Variants in MAMDC2 observed in about 807,000 individuals in gnomAD.
The protein encoded by MAMDC2 is MAM domain containing 2.
Under a neutral mutation model 89.8 loss-of-function variants are expected in MAMDC2, and 57 were observed. The observed-to-expected ratio is 0.63, with a 90% CI of 0.51 to 0.79. MAMDC2 has a LOEUF of 0.79. MAMDC2 is among the 30% of genes least tolerant of loss of function. The probability of loss-of-function intolerance (pLI) is 0.00; values close to 1 mark genes in which losing one functional copy is unlikely to be tolerated. For missense variants in MAMDC2, 800 were observed against 820.6 expected (o/e 0.97, Z 0.31); for synonymous variants, 313 against 293.4 (o/e 1.07, Z -0.68).
intron 11 of MAMDC2, chr9:70,188,762 A>ATTTTTTTGTTTTTTTTTTT (rs2032815598): frequency 1.1e-5 from 1 of 95,148 alleles, no homozygotes; most frequent in African/African-American, 4.3e-5. Flanking sequence ...AAAACAATTG[A>ATTTTTTTGTTTTTTTTTTT]TTTTTTTTTT....
chr9:70,103,443 C>T (rs1265746213), intron 2 of MAMDC2, among the ~76,000 whole-genome samples: 1 of 151,952 alleles, frequency 6.6e-6, no homozygotes, highest in Non-Finnish European at 1.5e-5. Flanking sequence ...CCACATCTAT[C>T]CTCAACTGAT....
At chr9:70,141,517 G>A (rs2031222380) in intron 8 of MAMDC2, among the ~76,000 whole-genome samples, 1 of 152,178 alleles carries the variant, frequency 6.6e-6, no homozygotes. Context: ...TGTGGTAAGT[G>A]CTGTCAGGGA....
At chr9:70,212,381 C>T (rs7857214) in intron 11 of MAMDC2, among the ~76,000 whole-genome samples, 118,858 of 151,768 alleles carry the variant, frequency 0.78, 46,674 homozygotes, top group Admixed American at 0.83. Flanking sequence ...CTCAGACTGC[C>T]GTGTTAGCAG....
At chr9:70,170,790 G>A (rs1361020663) in intron 11 of MAMDC2, 159 bp downstream of exon 11, 3 of 607,730 alleles carry the variant, frequency 4.9e-6, no homozygotes, top group Non-Finnish European at 8.1e-6. Context: ...TATGGGCATT[G>A]AATATCTCAT....
At chr9:70,187,787 A>G (rs2032788548) in intron 11 of MAMDC2, among the ~76,000 whole-genome samples, 1 of 152,150 alleles carries the variant, frequency 6.6e-6, no homozygotes. Context: ...AAATTTATCA[A>G]TTGATGAACA....
At chr9:70,163,202 C>CCAGGACTT (rs1554677334) in intron 9 of MAMDC2, among the ~76,000 whole-genome samples, 1 of 30,148 alleles carries the variant, frequency 3.3e-5, no homozygotes, top group East Asian at 2.9e-3. Context: ...CCTTTTGTTT[C>CCAGGACTT]CAGGGCTTCA....
chr9:70,208,741 G>T (rs1006500844), intron 11 of MAMDC2, among the ~76,000 whole-genome samples: 27 of 39,288 alleles, frequency 6.9e-4, no homozygotes, highest in African/African-American at 1.7e-3. Context: ...TCCAGTTTTT[G>T]TCCATTCAGT....
At chr9:70,122,043 T>A (rs1002026422) in intron 5 of MAMDC2, among the ~76,000 whole-genome samples, 6 of 152,218 alleles carry the variant, frequency 3.9e-5, no homozygotes, top group Non-Finnish European at 7.4e-5. Flanking sequence ...ACAGTTCAAC[T>A]GAGATAGTAA....
intron 9 of MAMDC2, among the ~76,000 whole-genome samples, chr9:70,151,842 G>A (rs1270116062): frequency 6.6e-6 from 1 of 152,142 alleles, no homozygotes; most frequent in Non-Finnish European, 1.5e-5. Flanking sequence ...AGAAATGAAT[G>A]CCTAAACTGA....
At chr9:70,170,312 C>A in intron 10 of MAMDC2, 167 bp from the exon 11 acceptor site, 1 of 561,014 alleles carries the variant, frequency 1.8e-6, no homozygotes, top group Non-Finnish European at 2.9e-6. Flanking sequence ...TGGAATGCAG[C>A]CTCTAGCTGG....
intron 2 of MAMDC2, among the ~76,000 whole-genome samples, chr9:70,075,827 G>A (rs1014111092): frequency 5.9e-5 from 9 of 152,210 alleles, no homozygotes; most frequent in African/African-American, 2.2e-4. Flanking sequence ...ACCAGGATGA[G>A]CCCATCCATG....
intron 4 of MAMDC2, 22 bp from the exon 5 acceptor site, chr9:70,112,973 T>A (rs1187561274): frequency 1.2e-6 from 2 of 1,613,848 alleles, no homozygotes; most frequent in Non-Finnish European, 1.7e-6. Context: ...CTCCATGAAG[T>A]GTTTTTGTTT....
chr9:70,181,890 A>G lies in MAMDC2; in HGVS notation c.1651+11259A>G, dbSNP rs142093929. The stretch of plus-strand genomic sequence containing the variant: ...TGCCCTGGACAGAACTTCCAATACT[A>G]TGTTGAATAGGAATGGTGAGAGAGG... On this transcript the variant is annotated intron_variant, in intron 11 of 13. Transcript: ENST00000377182. Among the ~76,000 whole-genome samples, 1,096 of 152,234 alleles carry G rather than the reference A, an allele frequency of 7.2e-3. 9 individuals are homozygous for G. The highest frequency in any genetic ancestry group is 0.011 in the Non-Finnish European group (741 of 68,002).
At chr9:70,172,544 A>G (rs2032380577) in intron 11 of MAMDC2, 2 of 152,702 alleles carry the variant, frequency 1.3e-5, no homozygotes, top group South Asian at 4.1e-4. Context: ...TACTTGCACT[A>G]CAGAATACAA....
At chr9:70,194,995 T>C (rs1454958868) in intron 11 of MAMDC2, among the ~76,000 whole-genome samples, 6 of 152,020 alleles carry the variant, frequency 3.9e-5, no homozygotes, top group Non-Finnish European at 7.4e-5. Context: ...ACAAGAAAAA[T>C]ATATAACCAG....
Position 70,140,157 on chromosome 9 carries a change from G to T in MAMDC2, c.1007G>T (p.Ser336Ile). Residue 336 changes from serine to isoleucine, a missense_variant, in exon 8 of 14, where the codon AGT (serine) becomes ATT (isoleucine). By Grantham distance (142) the Ser-to-Ile change is moderately radical. Transcript: ENST00000377182. ...HCQNQTELLF[S>I]AVEASCNFEQ... ...GTCCTTTGCTCAGAACTTCTGTTCA[G>T]TGCCGTGGAAGCCAGCTGCAATTTT... 1 of 1,586,434 alleles carries T rather than the reference G, an allele frequency of 6.3e-7. No individual in the cohort carries two copies. Among genetic ancestry groups the T allele is most frequent in the Non-Finnish European group, 8.5e-7 (1 of 1,171,292 alleles).
At chr9:70,132,289 T>C (rs1221943851) in intron 7 of MAMDC2, among the ~76,000 whole-genome samples, 3 of 152,156 alleles carry the variant, frequency 2.0e-5, no homozygotes, top group African/African-American at 4.8e-5. Context: ...ATAAGAAGGA[T>C]AATAATATAG....
rs2033361151 is a variant in MAMDC2, at chr9:70,211,881, G to T, written c.1652-6456G>T. Among the ~76,000 whole-genome samples the T allele has an allele frequency of 2.6e-5, 4 of 152,352 alleles. No homozygotes were observed. In the South Asian group the frequency reaches 8.3e-4, roughly 32 times the overall value. Reference sequence around the variant, plus strand: ...CTCAACTGCAGGTCTGTTGGAGTTTGCTGGAGGTCCACTCCAGACTCTGTT... The same window carrying T: ...CTCAACTGCAGGTCTGTTGGAGTTTTCTGGAGGTCCACTCCAGACTCTGTT... On this transcript the variant is annotated intron_variant, in intron 11 of 13. Coordinates refer to ENST00000377182, the MANE Select transcript of MAMDC2 (RefSeq NM_153267.5).
Position 70,045,225 on chromosome 9 carries a change from T to C in MAMDC2, c.148+528T>C, listed in dbSNP as rs144294515. Among the ~76,000 whole-genome samples the C allele has an allele frequency of 1.7e-4, 26 of 152,308 alleles. No individual in the cohort carries two copies. In the East Asian group the frequency reaches 4.1e-3, roughly 24 times the overall value. ...ATGATTTCATCCTCACACTCCTGTTTGTAATCCTGCCCTGGACAAAAGAAA... is the reference window on the plus strand; with the variant it reads ...ATGATTTCATCCTCACACTCCTGTTCGTAATCCTGCCCTGGACAAAAGAAA... On this transcript the variant is annotated intron_variant, in intron 2 of 13. Coordinates refer to ENST00000377182, the MANE Select transcript of MAMDC2 (RefSeq NM_153267.5).
Sources: allele counts gnomAD v4.1 joint callset (sites outside exome capture counted in the v4.1 genomes callset), GRCh38; gene constraint gnomAD v4.1.1; transcripts MANE v1.5; gene names NCBI Gene and HGNC (gene_info 2026-07-23, HGNC 2026-07-21).